The following SDK1 variants were observed in gnomAD, a reference collection of about 807,000 sequenced individuals.
SDK1 encodes the protein sidekick cell adhesion molecule 1, also known as protein sidekick-1.
A neutral mutation model predicts 245.5 loss-of-function variants in SDK1; 157 were observed. That is an observed-to-expected ratio of 0.64 (90% confidence interval 0.56 to 0.73). The LOEUF is 0.73. Ranked by LOEUF, SDK1 falls within the 30% of genes least tolerant of loss-of-function variation. The pLI is 0.00. For missense variants in SDK1, 3,583 were observed against 3,002.3 expected (o/e 1.19, Z -4.52); for synonymous variants, 1,647 against 1,278.5 (o/e 1.29, Z -6.15).
At chr7:3,447,924 G>A (rs1442581215) in intron 1 of SDK1, among the ~76,000 whole-genome samples, 2 of 151,434 alleles carry the variant, frequency 1.3e-5, no homozygotes, top group Non-Finnish European at 3.0e-5. Context: ...GGCTGGTCTC[G>A]AATTCCCGAG....
chr7:3,348,503 G>A (rs1780567408), intron 1 of SDK1, among the ~76,000 whole-genome samples: 1 of 151,910 alleles, frequency 6.6e-6, no homozygotes, highest in Non-Finnish European at 1.5e-5. Flanking sequence ...AACATCGAGT[G>A]CATATGGACA....
intron 34 of SDK1, 71 bp downstream of exon 34, chr7:4,175,905 C>G (rs531926795): frequency 1.4e-6 from 2 of 1,403,714 alleles, no homozygotes; most frequent in African/African-American, 2.8e-5. Context: ...GCTGGTCTCT[C>G]AGTGCAAGGG....
chr7:3,835,499 C>A (rs1274178312), intron 5 of SDK1, among the ~76,000 whole-genome samples: 1 of 152,122 alleles, frequency 6.6e-6, no homozygotes, highest in African/African-American at 2.4e-5. Context: ...TAACCTGCCT[C>A]CGTATACTTT....
chr7:3,427,540 A>T (rs954047075), intron 1 of SDK1, among the ~76,000 whole-genome samples: 1 of 148,582 alleles, frequency 6.7e-6, no homozygotes. Context: ...AAAAAAAAAA[A>T]TCAGAAGAAT....
chr7:3,351,733 A>T (rs1401490328), intron 1 of SDK1, among the ~76,000 whole-genome samples: 2 of 152,180 alleles, frequency 1.3e-5, no homozygotes, highest in Admixed American at 1.3e-4. Flanking sequence ...ATATAGGTAC[A>T]TATTATATAA....
At chr7:4,161,040 G>GC (rs1296495548) in intron 31 of SDK1, among the ~76,000 whole-genome samples, 1 of 152,160 alleles carries the variant, frequency 6.6e-6, no homozygotes, top group Non-Finnish European at 1.5e-5. Context: ...CTTCTGCTGG[G>GC]CCCCCGGGAT....
At position 3,608,169 on chromosome 7, in the gene SDK1, C is replaced by T. The variant is rs755737864; in HGVS notation, c.299-10911C>T. On this transcript the variant is annotated intron_variant, in intron 1 of 44. Transcript: ENST00000404826. ...CAAAATCTAGCTCTCTCAAAAATAG[C>T]CTTAAAGTAGTAAAAATTATTAATT... Among the ~76,000 whole-genome samples the T allele has an allele frequency of 3.9e-5, 6 of 152,264 alleles. No homozygotes were observed. In the South Asian group the frequency reaches 8.3e-4, roughly 21 times the overall value.
chr7:3,993,228 G>C (rs1304475544), intron 14 of SDK1, among the ~76,000 whole-genome samples: 1 of 152,204 alleles, frequency 6.6e-6, no homozygotes, highest in East Asian at 1.9e-4. Context: ...ATTTGGGAGA[G>C]GCCATCCTAG....
rs554634082 is a variant in SDK1, at chr7:4,040,170, C to T, written c.2603-9178C>T. Among the ~76,000 whole-genome samples the T allele has an allele frequency of 9.2e-5, 14 of 152,248 alleles. No individual in the cohort carries two copies. In the East Asian group the frequency reaches 2.5e-3, roughly 27 times the overall value. On this transcript the variant is annotated intron_variant, in intron 17 of 44. Coordinates refer to ENST00000404826, the MANE Select transcript of SDK1 (RefSeq NM_152744.4). ...GCTTTATAAGCATAGGGTAATGAGG[C>T]GTGTTCTGATTGGATCTTGCAGTGG...
chr7:4,080,937 T>C (rs900696346), intron 22 of SDK1, among the ~76,000 whole-genome samples: 3 of 152,198 alleles, frequency 2.0e-5, no homozygotes, highest in Non-Finnish European at 2.9e-5. Context: ...AAGCAAACTT[T>C]AAAACGCTTA....
chr7:3,438,865 T>TC (rs1780107833), intron 1 of SDK1, among the ~76,000 whole-genome samples: 1 of 127,108 alleles, frequency 7.9e-6, no homozygotes, highest in African/African-American at 2.6e-5. Flanking sequence ...TTTTTTTTTT[T>TC]TTTTGAGATG....
At position 4,192,910 on chromosome 7, in the gene SDK1, C is replaced by T. The variant is rs375252231; in HGVS notation, c.5099-12969C>T. Among the ~76,000 whole-genome samples the T allele has an allele frequency of 1.6e-4, 24 of 151,206 alleles. 1 individual carries two copies. Among genetic ancestry groups the T allele is most frequent in the Admixed American group, 4.0e-4 (6 of 15,084 alleles). On this transcript the variant is annotated intron_variant, in intron 35 of 44. Transcript: ENST00000404826. ...GTTTACAACATCATATCATTTTATT[C>T]ACAAATACTTTTACCATATATCCCT... is the stretch of plus-strand genomic sequence containing the variant.
intron 4 of SDK1, among the ~76,000 whole-genome samples, chr7:3,730,145 G>A (rs916704672): frequency 6.6e-6 from 1 of 152,086 alleles, no homozygotes; most frequent in Non-Finnish European, 1.5e-5. Flanking sequence ...TTGCTGATGA[G>A]GATCCCTTTG....
At chr7:3,831,105 T>C (rs1779902164) in intron 5 of SDK1, among the ~76,000 whole-genome samples, 2 of 152,194 alleles carry the variant, frequency 1.3e-5, no homozygotes, top group East Asian at 3.8e-4. Flanking sequence ...AAATTGAATT[T>C]TTCCTGCAGT....
In SDK1 at chr7:3,621,903, C is replaced by G. The variant is rs138553409; in HGVS notation, c.458+2664C>G. On this transcript the variant is annotated intron_variant, in intron 2 of 44. Transcript: ENST00000404826. ...ATGGTTCAACTTAACAATTTTTTGA[C>G]TTTACGCAGTTGAGAAACCCTTCTG... Among the ~76,000 whole-genome samples, 114 of 152,306 alleles carry G rather than the reference C, an allele frequency of 7.5e-4. 2 individuals are homozygous for G. The highest frequency in any genetic ancestry group is 1.3e-3 in the Non-Finnish European group (90 of 68,022).
intron 28 of SDK1, among the ~76,000 whole-genome samples, 195 bp from the exon 29 acceptor site, chr7:4,145,524 GCTT>G (rs1779902486): frequency 6.6e-6 from 1 of 152,126 alleles, no homozygotes; most frequent in Non-Finnish European, 1.5e-5. Context: ...CAGGAAACAA[GCTT>G]CACAGGGAAA....
At chr7:4,068,014 A>C in intron 20 of SDK1, 78 bp downstream of exon 20, 3 of 996,892 alleles carry the variant, frequency 3.0e-6, no homozygotes, top group Non-Finnish European at 4.6e-6. Context: ...TTCAAACCAA[A>C]CTGCTGACAG....
intron 25 of SDK1, among the ~76,000 whole-genome samples, chr7:4,126,758 C>T (rs981333891): frequency 6.6e-6 from 1 of 152,248 alleles, no homozygotes; most frequent in East Asian, 1.9e-4. Flanking sequence ...CTGGCCTCGG[C>T]TGCCCATCTC....
intron 20 of SDK1, among the ~76,000 whole-genome samples, chr7:4,072,939 A>G (rs117043223): frequency 0.025 from 3,828 of 152,334 alleles, 83 homozygotes; most frequent in Admixed American, 0.052. Flanking sequence ...CGCTCATTGT[A>G]AATTTCAGCG....
Sources: allele counts gnomAD v4.1 joint callset (sites outside exome capture counted in the v4.1 genomes callset), GRCh38; gene constraint gnomAD v4.1.1; transcripts MANE v1.5; gene names NCBI Gene and HGNC (gene_info 2026-07-23, HGNC 2026-07-21).